CACNA1D: variants seen among roughly 807,000 people sequenced by gnomAD.
The protein encoded by CACNA1D is voltage-dependent L-type calcium channel subunit alpha-1D.
CACNA1D carries 55 observed loss-of-function variants against 257.1 expected under a neutral mutation model. The observed-to-expected ratio is 0.21, with a 90% CI of 0.17 to 0.27. The LOEUF (loss-of-function observed/expected upper bound fraction) is 0.27, where lower values mean the gene tolerates loss of function less well. Among genes scored for constraint, CACNA1D ranks in the 10% least tolerant of loss-of-function variants. CACNA1D has a pLI of 1.00. For synonymous variants in CACNA1D, 980 were observed against 1,014.9 expected, an observed-to-expected ratio of 0.97 and a Z score of 0.65; for missense variants, 1,876 against 2,784.0, an observed-to-expected ratio of 0.67 and a Z score of 7.34.
chr3:53,779,885 C>G (rs143565370), intron 37 of CACNA1D, 141 bp from the exon 38 acceptor site: 173 of 711,036 alleles, frequency 2.4e-4, no homozygotes, highest in Middle Eastern at 2.4e-3. Flanking sequence ...CCATCATATG[C>G]GTACCCCCAA....
At chr3:53,637,771 G>T (rs1372941496) in intron 3 of CACNA1D, among the ~76,000 whole-genome samples, 1 of 152,212 alleles carries the variant, frequency 6.6e-6, no homozygotes, top group South Asian at 2.1e-4. Context: ...CCGAGACTCA[G>T]TTCTGCCTGC....
In CACNA1D at chr3:53,812,589, TG is replaced by T. The variant is rs2095605122; in HGVS notation, c.*1185del. 1.0e-5 allele frequency: 1 copy of T among 98,358 alleles called. No individual in the cohort carries two copies. Among genetic ancestry groups the T allele is most frequent in the Non-Finnish European group, 2.5e-5 (1 of 40,008 alleles). The allele number at this position is 98,358 out of a possible 1,614,324, so 6.1% of individuals were successfully genotyped here. On this transcript the variant is annotated 3_prime_UTR_variant, in exon 48 of 48. Coordinates refer to ENST00000350061, the MANE Select transcript of CACNA1D (RefSeq NM_001128840.3). ...TGTTTGTTTGACTTGAACCACCCTC[TG>T]GTAAGTAAGTAAGTGAATTACAGAG...
intron 16 of CACNA1D, 125 bp downstream of exon 16, chr3:53,730,681 T>C (rs995015184): frequency 1.7e-4 from 127 of 769,522 alleles, no homozygotes; most frequent in Admixed American, 6.6e-4. Flanking sequence ...GCTTTGTGGA[T>C]CATGGTTGAC....
chr3:53,692,957 CT>C (rs1292944151), intron 8 of CACNA1D, among the ~76,000 whole-genome samples: 2 of 152,150 alleles, frequency 1.3e-5, no homozygotes, highest in Non-Finnish European at 2.9e-5. Context: ...GCTTGGGAGG[CT>C]GAGGCACAAG....
At chr3:53,633,937 A>G (rs780179265) in intron 3 of CACNA1D, among the ~76,000 whole-genome samples, 4 of 152,194 alleles carry the variant, frequency 2.6e-5, no homozygotes, top group Non-Finnish European at 4.4e-5. Flanking sequence ...TTAAAGAAAA[A>G]CCTATATTTG....
At chr3:53,773,896 G>A (rs2095381402) in intron 33 of CACNA1D, 2 of 152,406 alleles carry the variant, frequency 1.3e-5, no homozygotes, top group Non-Finnish European at 2.9e-5. Flanking sequence ...CACCCAGCAG[G>A]CGTTTGTAAG....
At chr3:53,777,587 G>A (rs188054179) in intron 37 of CACNA1D, among the ~76,000 whole-genome samples, 122 of 152,278 alleles carry the variant, frequency 8.0e-4, no homozygotes, top group Non-Finnish European at 1.0e-4. Flanking sequence ...GAGGGGAGGG[G>A]GAGTGCTAGG....
chr3:53,805,776 T>TCCTCCCTCATCTTCCCTCC (rs2095559843), intron 45 of CACNA1D, among the ~76,000 whole-genome samples: 1 of 104,278 alleles, frequency 9.6e-6, no homozygotes, highest in African/African-American at 4.0e-5. Context: ...ATCTTCCCTC[T>TCCTCCCTCATCTTCCCTCC]TCCTCCCTCA....
intron 3 of CACNA1D, among the ~76,000 whole-genome samples, chr3:53,552,963 G>A (rs1191905034): frequency 6.6e-6 from 1 of 152,228 alleles, no homozygotes. Flanking sequence ...AAGGCAGGCT[G>A]AGCCTGTATA....
chr3:53,710,459 A>G (rs1362560363), intron 9 of CACNA1D: 2 of 456,782 alleles, frequency 4.4e-6, no homozygotes, highest in East Asian at 1.4e-4. Flanking sequence ...GCTTTCGGCA[A>G]CGCAGGGCTA....
At chr3:53,529,445 G>A (rs1357411550) in intron 3 of CACNA1D, among the ~76,000 whole-genome samples, 2 of 152,116 alleles carry the variant, frequency 1.3e-5, no homozygotes, top group East Asian at 3.9e-4. Flanking sequence ...GTTCTTGAGG[G>A]ATATTGGGTC....
At chr3:53,777,711 A>G (rs2095405822) in intron 37 of CACNA1D, among the ~76,000 whole-genome samples, 1 of 152,146 alleles carries the variant, frequency 6.6e-6, no homozygotes, top group Non-Finnish European at 1.5e-5. Flanking sequence ...TTGCTGGCAC[A>G]CTAGGCTCTA....
chr3:53,771,644 A>G (rs936972991), intron 32 of CACNA1D, among the ~76,000 whole-genome samples: 1 of 152,256 alleles, frequency 6.6e-6, no homozygotes, highest in African/African-American at 2.4e-5. Context: ...TTAAAGTACC[A>G]AAACTTGGGA....
At chr3:53,510,064 C>T (rs1327813663) in intron 3 of CACNA1D, among the ~76,000 whole-genome samples, 2 of 152,172 alleles carry the variant, frequency 1.3e-5, no homozygotes, top group African/African-American at 4.8e-5. Context: ...GATTTGTTTT[C>T]ATATTTTGCA....
chr3:53,641,047 C>T (rs533896157), intron 3 of CACNA1D, among the ~76,000 whole-genome samples: 8 of 152,216 alleles, frequency 5.3e-5, no homozygotes, highest in Admixed American at 2.0e-4. Flanking sequence ...AAAGAGCAGA[C>T]GTGAAGACCG....
chr3:53,806,202 C>T (rs2095565317), intron 45 of CACNA1D, among the ~76,000 whole-genome samples: 1 of 86,092 alleles, frequency 1.2e-5, no homozygotes. Flanking sequence ...CTCCCTCCTC[C>T]CTCATCTTCC....
rs1304867175 is a variant in CACNA1D at position 53,607,865 on chromosome 3, A to G, written c.484-42914A>G. Among the ~76,000 whole-genome samples, 7 of 152,180 alleles carry G rather than the reference A, an allele frequency of 4.6e-5. No homozygotes were observed. The East Asian group carries it at 1.2e-3, about 25-fold the overall frequency. ...ATGTGTGTTTATTTCGGAACTTTCTATTCTTTCCTATTGGACTGTATGTCT... is the reference window on the plus strand; with the variant it reads ...ATGTGTGTTTATTTCGGAACTTTCTGTTCTTTCCTATTGGACTGTATGTCT... On this transcript the variant is annotated intron_variant, in intron 3 of 47. Coordinates refer to ENST00000350061, the MANE Select transcript of CACNA1D (RefSeq NM_001128840.3).
chr3:53,733,999 C>CAT (rs1257472510), intron 19 of CACNA1D, among the ~76,000 whole-genome samples: 17 of 97,838 alleles, frequency 1.7e-4, no homozygotes, highest in African/African-American at 5.8e-4. Flanking sequence ...TATACATATA[C>CAT]ATATATATAT....
At chr3:53,792,584 C>G (rs117675321) in intron 40 of CACNA1D, among the ~76,000 whole-genome samples, 3 of 152,184 alleles carry the variant, frequency 2.0e-5, no homozygotes, top group South Asian at 4.2e-4. Flanking sequence ...CCAGCAAACT[C>G]TGGGGGGCCC....
Sources: gnomAD v4.1 joint callset for allele counts (sites outside exome capture counted in the v4.1 genomes callset) on GRCh38, gnomAD v4.1.1 for gene constraint, MANE v1.5 for transcripts, NCBI Gene and HGNC (gene_info 2026-07-23, HGNC 2026-07-21) for gene names.